The following ADD3 variants were observed in gnomAD, a reference collection of about 807,000 sequenced individuals.
ADD3 encodes adducin 3, also known as gamma-adducin.
ADD3 carries 25 observed loss-of-function variants against 80.2 expected under a neutral mutation model. The ratio of observed to expected loss-of-function variants is 0.31; its 90% CI spans 0.23 to 0.44. ADD3 has a LOEUF of 0.44. ADD3 is among the 20% of genes least tolerant of loss of function. ADD3 has a pLI of 1.00. For synonymous variants in ADD3, 284 were observed against 289.6 expected (o/e 0.98, Z 0.20); for missense variants, 829 against 847.5 (o/e 0.98, Z 0.27).
chr10:110,079,084 T>C (rs1845714546), intron 1 of ADD3, among the ~76,000 whole-genome samples: 1 of 152,170 alleles, frequency 6.6e-6, no homozygotes, highest in Admixed American at 6.5e-5. Flanking sequence ...CTTTGTCTTA[T>C]TTATGCATAC....
At chr10:110,127,681 A>G (rs1161124371) in intron 12 of ADD3, among the ~76,000 whole-genome samples, 2 of 152,224 alleles carry the variant, frequency 1.3e-5, no homozygotes, top group African/African-American at 4.8e-5. Flanking sequence ...TCAACAGGTA[A>G]TCTCTCTGTT....
chr10:110,001,692 A>C (rs2133679636), upstream of ADD3, among the ~76,000 whole-genome samples: 1 of 152,266 alleles, frequency 6.6e-6, no homozygotes, highest in East Asian at 1.9e-4. Flanking sequence ...TTTTAAAAAA[A>C]GTCTCAATCC....
chr10:109,997,156 G>A (rs1298115998), intron 1 of ADD3, among the ~76,000 whole-genome samples: 1 of 152,168 alleles, frequency 6.6e-6, no homozygotes, highest in Non-Finnish European at 1.5e-5. Flanking sequence ...GTTTTATGAG[G>A]TCTTCGTAGC....
rs1422540227 is a variant in ADD3 at position 110,118,627 on chromosome 10, G to A, written c.608G>A (p.Ser203Asn). Residue 203 changes from serine to asparagine, a missense_variant, in exon 6 of 15, where the codon AGT becomes AAT. Coordinates refer to ENST00000356080, the MANE Select transcript of ADD3 (RefSeq NM_016824.5). ...ATAGGAGAAGTGGTTGACCAGGGAA[G>A]TACCAATTTGAAAATTGACCATACA... ...NIIGEVVDQGSTNLKIDHTGF... is the reference protein window; with the variant it reads ...NIIGEVVDQGNTNLKIDHTGF... 1.5e-5 allele frequency: 24 copies of A among 1,613,804 alleles called. No individual in the cohort carries two copies. Among genetic ancestry groups the A allele is most frequent in the Non-Finnish European group, 2.0e-5 (24 of 1,179,818 alleles).
At chr10:110,054,540 C>T (rs1484601201) in intron 1 of ADD3, among the ~76,000 whole-genome samples, 3 of 147,952 alleles carry the variant, frequency 2.0e-5, no homozygotes, top group African/African-American at 7.5e-5. Flanking sequence ...CTCCCAGGTT[C>T]AAGTGATTCT....
At chr10:110,021,195 G>A (rs796357683) in intron 1 of ADD3, among the ~76,000 whole-genome samples, 5 of 152,084 alleles carry the variant, frequency 3.3e-5, no homozygotes, top group Admixed American at 6.5e-5. Flanking sequence ...AAGGACACTT[G>A]GTCCTGAAGG....
chr10:110,117,287 T>G (rs1354302781), intron 4 of ADD3, 55 bp from the exon 5 acceptor site: 4 of 886,390 alleles, frequency 4.5e-6, no homozygotes, highest in Non-Finnish European at 7.4e-6. Flanking sequence ...TAGTCATGTT[T>G]CCACTGCAAA....
chr10:110,016,013 G>A (rs1261029633), intron 1 of ADD3, among the ~76,000 whole-genome samples: 2 of 152,172 alleles, frequency 1.3e-5, no homozygotes, highest in Non-Finnish European at 2.9e-5. Flanking sequence ...ATTGTTTGAT[G>A]TCTTATAATC....
intron 1 of ADD3, among the ~76,000 whole-genome samples, chr10:110,090,911 A>G (rs532291767): frequency 1.3e-5 from 2 of 152,180 alleles, no homozygotes; most frequent in Non-Finnish European, 1.5e-5. Flanking sequence ...TTACTAAACA[A>G]CTATAGATTT....
chr10:110,105,243 C>T (rs1410938256), intron 2 of ADD3, among the ~76,000 whole-genome samples: 1 of 151,958 alleles, frequency 6.6e-6, no homozygotes, highest in Non-Finnish European at 1.5e-5. Context: ...ATTAATTTGG[C>T]TTGAGATTTT....
At chr10:110,042,130 AG>A (rs1234303552) in intron 1 of ADD3, among the ~76,000 whole-genome samples, 1 of 152,188 alleles carries the variant, frequency 6.6e-6, no homozygotes, top group Non-Finnish European at 1.5e-5. Flanking sequence ...AGATCTTTGT[AG>A]GTAAGTATTT....
chr10:110,015,099 A>T (rs988741768), intron 1 of ADD3, among the ~76,000 whole-genome samples: 7 of 152,108 alleles, frequency 4.6e-5, no homozygotes, highest in African/African-American at 1.7e-4. Context: ...GGGAAGGTAG[A>T]ATTTTTAAGG....
At chr10:110,057,473 G>A (rs572105243) in intron 1 of ADD3, among the ~76,000 whole-genome samples, 1 of 152,262 alleles carries the variant, frequency 6.6e-6, no homozygotes, top group East Asian at 1.9e-4. Flanking sequence ...AGGAACTAAT[G>A]CTTTAGATCT....
chr10:110,117,768 C>G (rs1471690732), intron 5 of ADD3, among the ~76,000 whole-genome samples: 1 of 151,744 alleles, frequency 6.6e-6, no homozygotes, highest in South Asian at 2.1e-4. Context: ...GTAATCCAAG[C>G]ACTTTGGGAG....
At chr10:110,028,487 C>A (rs1253189238) in intron 1 of ADD3, among the ~76,000 whole-genome samples, 1 of 152,134 alleles carries the variant, frequency 6.6e-6, no homozygotes, top group African/African-American at 2.4e-5. Context: ...ATTGCTTGAA[C>A]CCAGGAGGCG....
At chr10:110,007,302 A>T (rs559933058), upstream of ADD3, among the ~76,000 whole-genome samples, 1 of 152,068 alleles carries the variant, frequency 6.6e-6, no homozygotes, top group Non-Finnish European at 1.5e-5. Flanking sequence ...CCCTATGTGG[A>T]GGTGAAGCAG....
chr10:110,129,830 T>C (rs1274341717), intron 12 of ADD3, among the ~76,000 whole-genome samples: 1 of 152,232 alleles, frequency 6.6e-6, no homozygotes, highest in Non-Finnish European at 1.5e-5. Context: ...TTTTGTTTTT[T>C]TCTATTCCTT....
chr10:110,116,556 C>T, intron 4 of ADD3, 146 bp downstream of exon 4: 1 of 780,722 alleles, frequency 1.3e-6, no homozygotes, highest in East Asian at 2.7e-5. Context: ...TGATTTAAAC[C>T]TTATACCCAA....
chr10:110,012,563 T>G (rs1852452388), intron 1 of ADD3, among the ~76,000 whole-genome samples: 1 of 152,170 alleles, frequency 6.6e-6, no homozygotes, highest in African/African-American at 2.4e-5. Context: ...GCTTTCAGAG[T>G]TGTCTAGCAT....
Sources: gnomAD v4.1 joint callset for allele counts (sites outside exome capture counted in the v4.1 genomes callset) on GRCh38, gnomAD v4.1.1 for gene constraint, MANE v1.5 for transcripts, NCBI Gene and HGNC (gene_info 2026-07-23, HGNC 2026-07-21) for gene names.